The following B3GALT1 variants were observed in gnomAD, a reference collection of about 807,000 sequenced individuals.
The protein encoded by B3GALT1 is beta-1,3-galactosyltransferase 1.
A neutral mutation model predicts 23.2 loss-of-function variants in B3GALT1; 10 were observed. The ratio of observed to expected loss-of-function variants is 0.43; its 90% CI spans 0.27 to 0.73. The LOEUF is 0.73. Ranked by LOEUF, B3GALT1 falls within the 30% of genes least tolerant of loss-of-function variation. The pLI is 0.21. For synonymous variants in B3GALT1, 156 were observed against 141.5 expected (o/e 1.10, Z -0.73); for missense variants, 299 against 405.4 (o/e 0.74, Z 2.25).
intron 3 of B3GALT1, among the ~76,000 whole-genome samples, chr2:167,764,753 A>G (rs951814343): frequency 2.0e-5 from 3 of 152,208 alleles, no homozygotes; most frequent in African/African-American, 7.2e-5. Context: ...AGGACTCCAC[A>G]GATTGCTTTC....
intron 1 of B3GALT1, among the ~76,000 whole-genome samples, chr2:167,476,863 A>G (rs948511321): frequency 6.6e-6 from 1 of 152,232 alleles, no homozygotes; most frequent in African/African-American, 2.4e-5. Flanking sequence ...AAGGGGGATC[A>G]CCAAATGTGA....
At chr2:167,673,463 G>A (rs1221845576) in intron 3 of B3GALT1, among the ~76,000 whole-genome samples, 1 of 152,086 alleles carries the variant, frequency 6.6e-6, no homozygotes, top group Admixed American at 6.5e-5. Context: ...ATAATTATTA[G>A]ATTCTGTAGC....
At chr2:167,805,940 T>C (rs945116767) in intron 3 of B3GALT1, among the ~76,000 whole-genome samples, 7 of 152,128 alleles carry the variant, frequency 4.6e-5, no homozygotes, top group African/African-American at 9.7e-5. Context: ...TTTCACGATA[T>C]TGATTCTTCC....
chr2:167,441,723 T>C (rs1400763229), intron 1 of B3GALT1, among the ~76,000 whole-genome samples: 2 of 152,090 alleles, frequency 1.3e-5, no homozygotes, highest in African/African-American at 2.4e-5. Flanking sequence ...TTTAAATATC[T>C]GATTATTAAA....
At chr2:167,345,572 G>T (rs1337056587) in intron 1 of B3GALT1, among the ~76,000 whole-genome samples, 1 of 152,158 alleles carries the variant, frequency 6.6e-6, no homozygotes, top group African/African-American at 2.4e-5. Flanking sequence ...AAGAGTCACA[G>T]AGTTTATGTA....
intron 3 of B3GALT1, chr2:167,713,873 C>T (rs1687101515): frequency 3.4e-5 from 54 of 1,588,280 alleles, no homozygotes; most frequent in Non-Finnish European, 4.3e-5. Context: ...AAAATAACCT[C>T]GTGAAGCTCC....
intron 1 of B3GALT1, among the ~76,000 whole-genome samples, chr2:167,402,982 A>G (rs957832333): frequency 7.0e-6 from 1 of 143,360 alleles, no homozygotes; most frequent in Non-Finnish European, 1.5e-5. Context: ...GATTGCATTC[A>G]CCTCTAAATA....
rs564767929 is a variant in B3GALT1, at chr2:167,337,410, C to T, written c.-511+44076C>T. On this transcript the variant is annotated intron_variant, in intron 1 of 4. Coordinates refer to ENST00000392690, the MANE Select transcript of B3GALT1 (RefSeq NM_020981.4). ...CACACGCACACACACCCACACACAC[C>T]ACAATAAAACTTTTCCCCAAATACT... is the stretch of plus-strand genomic sequence containing the variant. Among the ~76,000 whole-genome samples, 19 of 152,040 alleles carry T rather than the reference C, an allele frequency of 1.2e-4. 1 individual carries two copies. The highest frequency in any genetic ancestry group is 1.0e-3 in the South Asian group (5 of 4,824).
intron 1 of B3GALT1, among the ~76,000 whole-genome samples, chr2:167,482,261 T>G (rs1408369052): frequency 6.6e-6 from 1 of 152,200 alleles, no homozygotes; most frequent in Non-Finnish European, 1.5e-5. Flanking sequence ...ATGAATCATA[T>G]TTTTTGGCTA....
intron 1 of B3GALT1, among the ~76,000 whole-genome samples, chr2:167,380,912 A>G (rs527769836): frequency 4.4e-4 from 67 of 152,254 alleles, no homozygotes; most frequent in African/African-American, 1.6e-3. Flanking sequence ...GTCTTTGACA[A>G]TTCTGGTGGA....
At chr2:167,803,180 G>A (rs899601693) in intron 3 of B3GALT1, among the ~76,000 whole-genome samples, 5 of 151,600 alleles carry the variant, frequency 3.3e-5, no homozygotes, top group Admixed American at 6.6e-5. Flanking sequence ...AAACAGGAAA[G>A]TCTACTTAGA....
chr2:167,651,103 A>C (rs1320455139), intron 3 of B3GALT1, among the ~76,000 whole-genome samples: 1 of 152,016 alleles, frequency 6.6e-6, no homozygotes, highest in Non-Finnish European at 1.5e-5. Context: ...AAAAGCATTC[A>C]GTATTTATGC....
intron 2 of B3GALT1, among the ~76,000 whole-genome samples, chr2:167,637,771 T>C (rs569680031): frequency 8.5e-5 from 13 of 152,056 alleles, no homozygotes; most frequent in Non-Finnish European, 1.6e-4. Context: ...TTTTTGGGCC[T>C]GGCTTATTTC....
intron 4 of B3GALT1, among the ~76,000 whole-genome samples, chr2:167,838,131 G>GCAAA (rs1484399877): frequency 6.7e-6 from 1 of 150,040 alleles, no homozygotes; most frequent in Non-Finnish European, 1.5e-5. Context: ...AAAAGCAAGA[G>GCAAA]CAAACACATT....
At chr2:167,324,542 G>A (rs1183844921) in intron 1 of B3GALT1, among the ~76,000 whole-genome samples, 1 of 151,994 alleles carries the variant, frequency 6.6e-6, no homozygotes, top group Non-Finnish European at 1.5e-5. Context: ...ATTTTCTGTG[G>A]TAGGTTTTAA....
At chr2:167,867,173 C>G (rs113973853) in intron 4 of B3GALT1, among the ~76,000 whole-genome samples, 9,766 of 152,116 alleles carry the variant, frequency 0.064, 414 homozygotes, top group African/African-American at 0.11. Flanking sequence ...TGATCCGCCC[C>G]CCTTGGCCTC....
chr2:167,393,262 A>T (rs1364154687), intron 1 of B3GALT1, among the ~76,000 whole-genome samples: 56 of 149,840 alleles, frequency 3.7e-4, no homozygotes, highest in African/African-American at 1.3e-3. Context: ...AGAAATGTTT[A>T]TGTTGTTGGT....
chr2:167,750,734 C>CAAAAAA (rs527622209), intron 3 of B3GALT1, among the ~76,000 whole-genome samples: 1 of 58,564 alleles, frequency 1.7e-5, no homozygotes, highest in Admixed American at 1.8e-4. Flanking sequence ...GACTGTTGAG[C>CAAAAAA]AAAAAAAAAA....
chr2:167,501,718 CAAAAAAAAAAAA>C (rs35445623), intron 2 of B3GALT1, among the ~76,000 whole-genome samples: 30 of 65,422 alleles, frequency 4.6e-4, no homozygotes, highest in Admixed American at 7.0e-4. Context: ...TCTACAGTGG[CAAAAAAAAAAAA>C]AAAAAAAAAA....
Sources: gnomAD v4.1 joint callset for allele counts (sites outside exome capture counted in the v4.1 genomes callset) on GRCh38, gnomAD v4.1.1 for gene constraint, MANE v1.5 for transcripts, NCBI Gene and HGNC (gene_info 2026-07-23, HGNC 2026-07-21) for gene names.